TRIM24: variants seen among roughly 807,000 people sequenced by gnomAD.
TRIM24 encodes tripartite motif containing 24.
Under a neutral mutation model 123.9 loss-of-function variants are expected in TRIM24, and 29 were observed. The ratio of observed to expected loss-of-function variants is 0.23; its 90% confidence interval spans 0.17 to 0.32. TRIM24 has a LOEUF of 0.32. TRIM24 is among the 10% of genes least tolerant of loss of function. The pLI is 1.00. For synonymous variants in TRIM24, 456 were observed against 461.1 expected (o/e 0.99, Z 0.14); for missense variants, 932 against 1,295.3 (o/e 0.72, Z 4.31).
chr7:138,463,989 C>CTGTTTTTTTTT (rs1795072249), intron 1 of TRIM24, among the ~76,000 whole-genome samples: 2 of 50,766 alleles, frequency 3.9e-5, no homozygotes, highest in Non-Finnish European at 7.2e-5. Flanking sequence ...AAAATTTAGA[C>CTGTTTTTTTTT]TTTTTTTTTT....
At chr7:138,555,994 G>A (rs1797309540) in intron 9 of TRIM24, among the ~76,000 whole-genome samples, 1 of 152,082 alleles carries the variant, frequency 6.6e-6, no homozygotes, top group South Asian at 2.1e-4. Context: ...ACATTAGTCT[G>A]GATGAAGGTG....
Position 138,576,749 on chromosome 7 carries a change from A to G in TRIM24, c.2087+304A>G, listed in dbSNP as rs373423789. On this transcript the variant is annotated intron_variant, in intron 13 of 18. Coordinates refer to ENST00000343526, the MANE Select transcript of TRIM24 (RefSeq NM_015905.3). ...AACACAGTACACTATATAGAAACAC[A>G]AATTTAGAGAAAAGATAAAATTTTA... is the stretch of plus-strand genomic sequence containing the variant. Among the ~76,000 whole-genome samples, 22 of 152,202 alleles carry G rather than the reference A, an allele frequency of 1.4e-4. No homozygotes were observed. In the East Asian group the frequency reaches 2.1e-3, roughly 15 times the overall value.
chr7:138,521,299 C>T (rs747381475), intron 4 of TRIM24, among the ~76,000 whole-genome samples: 3 of 151,898 alleles, frequency 2.0e-5, no homozygotes, highest in Admixed American at 6.6e-5. Context: ...ATGTGGTGTG[C>T]GTATATGTAT....
intron 1 of TRIM24, among the ~76,000 whole-genome samples, chr7:138,483,409 C>T (rs758317511): frequency 6.6e-6 from 1 of 152,056 alleles, no homozygotes; most frequent in Non-Finnish European, 1.5e-5. Context: ...TATCATGCTG[C>T]CTAAATTCTC....
intron 4 of TRIM24, among the ~76,000 whole-genome samples, chr7:138,520,932 G>A (rs924081622): frequency 1.3e-5 from 2 of 152,170 alleles, no homozygotes; most frequent in Non-Finnish European, 2.9e-5. Context: ...AGCAATACTC[G>A]AAGACAGAAT....
In TRIM24 at chr7:138,538,753, T is replaced by G; in HGVS notation, c.1093T>G (p.Trp365Gly). The G allele has an allele frequency of 6.2e-7, 1 of 1,614,086 alleles. No individual in the cohort carries two copies. Among genetic ancestry groups the G allele is most frequent in the Non-Finnish European group, 8.5e-7 (1 of 1,179,980 alleles). The change falls in exon 7 of 19, where the codon TGG becomes GGG. Residue 365 changes from tryptophan (W) to glycine (G), a missense_variant. Physicochemically the swap from Trp to Gly is radical, Grantham distance 184. Coordinates refer to ENST00000343526, the MANE Select transcript of TRIM24 (RefSeq NM_015905.3). ...GGAGCATGTCATGCATTTTTCTAAA[T>G]GGGCAGTTTCCAGTGGCAGCAGTAC... ...QLEHVMHFSK[W>G]AVSSGSSTAL...
intron 2 of TRIM24, among the ~76,000 whole-genome samples, chr7:138,512,243 T>C (rs964934226): frequency 3.3e-5 from 5 of 152,094 alleles, no homozygotes; most frequent in African/African-American, 1.2e-4. Context: ...TGGGTTGACA[T>C]TGAGTATCTG....
chr7:138,526,483 A>G (rs1014567550), intron 5 of TRIM24, among the ~76,000 whole-genome samples: 1 of 151,512 alleles, frequency 6.6e-6, no homozygotes, highest in Admixed American at 6.6e-5. Context: ...TCACTCTGTC[A>G]CTTAAGCTGG....
At chr7:138,492,821 G>C (rs1335829840) in intron 1 of TRIM24, among the ~76,000 whole-genome samples, 1 of 152,106 alleles carries the variant, frequency 6.6e-6, no homozygotes, top group Non-Finnish European at 1.5e-5. Flanking sequence ...ATCAAATTTA[G>C]GAAGTTTTTA....
intron 1 of TRIM24, among the ~76,000 whole-genome samples, chr7:138,489,498 T>C (rs938631155): frequency 3.3e-5 from 5 of 152,210 alleles, no homozygotes; most frequent in African/African-American, 9.6e-5. Flanking sequence ...GTTGTTCCTT[T>C]CCATGTTTAG....
intron 1 of TRIM24, among the ~76,000 whole-genome samples, chr7:138,501,606 G>A (rs1187455150): frequency 1.3e-5 from 2 of 152,090 alleles, no homozygotes; most frequent in Non-Finnish European, 2.9e-5. Context: ...GTTAGGCAGT[G>A]GCCAGGCGTG....
At chr7:138,513,504 A>T (rs1796331575) in intron 2 of TRIM24, among the ~76,000 whole-genome samples, 1 of 152,188 alleles carries the variant, frequency 6.6e-6, no homozygotes, top group Admixed American at 6.5e-5. Flanking sequence ...TCAGCTTACG[A>T]TCATGGCAGA....
intron 9 of TRIM24, among the ~76,000 whole-genome samples, chr7:138,565,182 A>G (rs1797510938): frequency 6.6e-6 from 1 of 151,618 alleles, no homozygotes; most frequent in Non-Finnish European, 1.5e-5. Context: ...GCACTCACAC[A>G]CTTCCCCGCT....
At chr7:138,584,204 A>G (rs1797965270) in intron 18 of TRIM24, among the ~76,000 whole-genome samples, 1 of 152,224 alleles carries the variant, frequency 6.6e-6, no homozygotes, top group Non-Finnish European at 1.5e-5. Flanking sequence ...GGAAATGCAA[A>G]TTACAGCTGA....
chr7:138,466,693 A>G (rs1584680885), intron 1 of TRIM24, among the ~76,000 whole-genome samples: 1 of 151,752 alleles, frequency 6.6e-6, no homozygotes, highest in East Asian at 1.9e-4. Context: ...TTCTTTATAT[A>G]TATTCTATAT....
chr7:138,504,524 G>A (rs1043424099), intron 2 of TRIM24, 116 bp downstream of exon 2: 38 of 584,720 alleles, frequency 6.5e-5, no homozygotes, highest in Admixed American at 4.1e-4. Context: ...CACAAGTGGC[G>A]CAATCTCCGT....
At chr7:138,537,379 GTTTTTTTTT>G (rs71177994) in intron 6 of TRIM24, among the ~76,000 whole-genome samples, 3 of 56,636 alleles carry the variant, frequency 5.3e-5, no homozygotes, top group African/African-American at 1.4e-4. Flanking sequence ...ACCCCTGTTT[GTTTTTTTTT>G]TTTTTTTTTT....
intron 2 of TRIM24, among the ~76,000 whole-genome samples, chr7:138,514,189 A>C (rs1796346877): frequency 1.3e-5 from 2 of 152,272 alleles, no homozygotes; most frequent in South Asian, 4.2e-4. Flanking sequence ...GAAGTGGAAA[A>C]AAATTTTACT....
At chr7:138,509,629 A>C (rs1050454823) in intron 2 of TRIM24, among the ~76,000 whole-genome samples, 1 of 142,424 alleles carries the variant, frequency 7.0e-6, no homozygotes, top group Non-Finnish European at 1.5e-5. Flanking sequence ...GCTTGAACCC[A>C]GAGTGGGTGT....
Sources: gnomAD v4.1 joint callset for allele counts (sites outside exome capture counted in the v4.1 genomes callset) on GRCh38, gnomAD v4.1.1 for gene constraint, MANE v1.5 for transcripts, NCBI Gene and HGNC (gene_info 2026-07-23, HGNC 2026-07-21) for gene names.